SFMBT1: variants seen among roughly 807,000 people sequenced by gnomAD.
SFMBT1 encodes scm-like with four MBT domains protein 1.
SFMBT1 carries 32 observed loss-of-function variants against 108.7 expected under a neutral mutation model. That is an observed-to-expected ratio of 0.29 (90% CI 0.22 to 0.40). The LOEUF (loss-of-function observed/expected upper bound fraction) is 0.40. Ranked by LOEUF, SFMBT1 falls within the 10% of genes least tolerant of loss-of-function variation. The pLI is 1.00. For missense variants in SFMBT1, 816 were observed against 1,059.6 expected, an observed-to-expected ratio of 0.77 and a Z score of 3.19; for synonymous variants, 348 against 369.5, an observed-to-expected ratio of 0.94 and a Z score of 0.67.
At chr3:52,927,538 T>A (rs1369345093) in intron 9 of SFMBT1, among the ~76,000 whole-genome samples, 4 of 152,194 alleles carry the variant, frequency 2.6e-5, no homozygotes, top group African/African-American at 9.7e-5. Flanking sequence ...AAAAATCAGA[T>A]AAACATCTGA....
At chr3:53,005,923 G>A (rs1021445364) in intron 1 of SFMBT1, among the ~76,000 whole-genome samples, 2 of 152,152 alleles carry the variant, frequency 1.3e-5, no homozygotes, top group Non-Finnish European at 2.9e-5. Context: ...GGTCCAAGCC[G>A]GCAACCAGAA....
At chr3:53,029,221 G>A (rs1332885268) in intron 1 of SFMBT1, among the ~76,000 whole-genome samples, 1 of 150,372 alleles carries the variant, frequency 6.7e-6, no homozygotes, top group Non-Finnish European at 1.5e-5. Flanking sequence ...GTACTACCAT[G>A]GGGGAGAAAA....
chr3:52,960,861 G>A (rs1268605684), intron 2 of SFMBT1, among the ~76,000 whole-genome samples: 2 of 152,198 alleles, frequency 1.3e-5, no homozygotes, highest in African/African-American at 4.8e-5. Context: ...TTCTGGCCGG[G>A]TGCGGTGGCT....
chr3:52,983,716 G>A (rs538349882), intron 1 of SFMBT1, among the ~76,000 whole-genome samples: 1 of 152,174 alleles, frequency 6.6e-6, no homozygotes, highest in Non-Finnish European at 1.5e-5. Context: ...TCTGAAGTGG[G>A]AGCTTGTGTG....
chr3:52,991,315 C>G (rs1330858343), intron 1 of SFMBT1, among the ~76,000 whole-genome samples: 1 of 148,248 alleles, frequency 6.7e-6, no homozygotes, highest in Non-Finnish European at 1.5e-5. Context: ...ATGTTGTGTC[C>G]CACCCAAAAT....
At chr3:52,925,709 C>G (rs939350899) in intron 10 of SFMBT1, among the ~76,000 whole-genome samples, 3 of 152,130 alleles carry the variant, frequency 2.0e-5, no homozygotes, top group Non-Finnish European at 4.4e-5. Context: ...TTTAAATAAG[C>G]TTAACAATTT....
chr3:52,916,448 T>C (rs1408560631), intron 13 of SFMBT1, among the ~76,000 whole-genome samples: 1 of 146,324 alleles, frequency 6.8e-6, no homozygotes, highest in Admixed American at 7.1e-5. Flanking sequence ...CGTGGGCGGG[T>C]CACAAGGTCA....
At chr3:52,945,151 A>AAAAAAAAAAAAAAAAAAAAAAAAAAAAAG (rs1208407962) in intron 3 of SFMBT1, among the ~76,000 whole-genome samples, 1 of 148,576 alleles carries the variant, frequency 6.7e-6, no homozygotes, top group Non-Finnish European at 1.5e-5. Context: ...AAAAAAAAAA[A>AAAAAAAAAAAAAAAAAAAAAAAAAAAAAG]CAAGGACTTC....
In SFMBT1 at chr3:52,948,474, T is replaced by C. The variant is rs1168108158; in HGVS notation, c.124-4881A>G. Among the ~76,000 whole-genome samples, 8 of 152,202 alleles carry C rather than the reference T, an allele frequency of 5.3e-5. No individual in the cohort carries two copies. In the South Asian group the frequency reaches 1.5e-3, roughly 28 times the overall value. On this transcript the variant is annotated intron_variant, in intron 3 of 20. Transcript: ENST00000394752. Reference sequence around the variant, plus strand: ...CTAAAATTTTATATATATGTACTTTTTGAAATTTAATTTGTTTGCAGTAAA... The same window carrying C: ...CTAAAATTTTATATATATGTACTTTCTGAAATTTAATTTGTTTGCAGTAAA...
chr3:52,984,374 T>C (rs1176151089), intron 1 of SFMBT1, among the ~76,000 whole-genome samples: 1 of 152,008 alleles, frequency 6.6e-6, no homozygotes, highest in Non-Finnish European at 1.5e-5. Flanking sequence ...AAAACTTTTT[T>C]AGACAGCAAG....
At chr3:53,045,557 AGCCG>A (rs1700204879) in intron 1 of SFMBT1, among the ~76,000 whole-genome samples, 1 of 139,558 alleles carries the variant, frequency 7.2e-6, no homozygotes, top group East Asian at 2.2e-4. Context: ...GCGCCCCTGC[AGCCG>A]GCCGGCCGGC....
intron 4 of SFMBT1, among the ~76,000 whole-genome samples, chr3:52,940,145 G>C (rs1703136947): frequency 6.6e-6 from 1 of 152,186 alleles, no homozygotes; most frequent in South Asian, 2.1e-4. Flanking sequence ...ACGTTAGGAT[G>C]AGATGGTAGG....
intron 1 of SFMBT1, among the ~76,000 whole-genome samples, chr3:53,030,813 C>T (rs1291921509): frequency 6.6e-6 from 1 of 151,720 alleles, no homozygotes; most frequent in Non-Finnish European, 1.5e-5. Flanking sequence ...ATTTTATATG[C>T]TAATATGAAA....
intron 19 of SFMBT1, 141 bp downstream of exon 19, chr3:52,906,928 G>C: frequency 9.9e-7 from 1 of 1,006,956 alleles, no homozygotes; most frequent in African/African-American, 1.6e-5. Context: ...ACTGCATTTG[G>C]GGTCACTTTA....
intron 5 of SFMBT1, 107 bp from the exon 6 acceptor site, chr3:52,932,415 T>G: frequency 8.8e-7 from 1 of 1,140,342 alleles, no homozygotes; most frequent in Non-Finnish European, 1.2e-6. Context: ...TTTTACCCAT[T>G]CAAAAGCCAG....
Position 53,041,698 on chromosome 3 carries a change from C to CAAAAAA in SFMBT1, c.-131+4112_-131+4117dup, listed in dbSNP as rs59502728. On this transcript the variant is annotated intron_variant, in intron 1 of 20. Coordinates refer to ENST00000394752, the MANE Select transcript of SFMBT1 (RefSeq NM_016329.4). ...GGGCAACAAGAGTAAAAGTCTGTCT[C>CAAAAAA]AAAAAAAAAAAAAAAAAAAAAAAAA... 9.1e-4 allele frequency among the ~76,000 whole-genome samples: 40 copies of CAAAAAA among 44,130 alleles called. 1 individual carries two copies. Among genetic ancestry groups the CAAAAAA allele is most frequent in the East Asian group, 5.2e-3 (7 of 1,356 alleles). 29.0% of individuals were successfully genotyped at this position (44,130 alleles called of 152,430 possible).
intron 5 of SFMBT1, 79 bp downstream of exon 5, chr3:52,934,734 T>C: frequency 1.7e-6 from 2 of 1,210,842 alleles, no homozygotes; most frequent in Non-Finnish European, 2.3e-6. Flanking sequence ...TTCAGAGTGG[T>C]AAATAAGCAA....
chr3:52,951,192 A>AC (rs58292146), intron 3 of SFMBT1, among the ~76,000 whole-genome samples: 52 of 130,446 alleles, frequency 4.0e-4, no homozygotes, highest in African/African-American at 1.3e-3. Flanking sequence ...AAAAAAAAAA[A>AC]CACACATTCC....
intron 1 of SFMBT1, among the ~76,000 whole-genome samples, chr3:53,034,839 T>C (rs992104514): frequency 8.3e-4 from 127 of 152,154 alleles, no homozygotes; most frequent in African/African-American, 2.9e-3. Context: ...CTTGGGAGGC[T>C]GAGGCAGGAA....
Sources: allele counts gnomAD v4.1 joint callset (sites outside exome capture counted in the v4.1 genomes callset), GRCh38; gene constraint gnomAD v4.1.1; transcripts MANE v1.5; gene names NCBI Gene and HGNC (gene_info 2026-07-23, HGNC 2026-07-21).